GLYATL3: variants seen among roughly 807,000 people sequenced by gnomAD.
GLYATL3 encodes the protein glycine N-acyltransferase-like protein 3.
A neutral mutation model predicts 28.5 loss-of-function variants in GLYATL3; 31 were observed. That is an observed-to-expected ratio of 1.09 (90% CI 0.82 to 1.47). The LOEUF (loss-of-function observed/expected upper bound fraction) is 1.47, where lower values mean the gene tolerates loss of function less well. Ranked by LOEUF, GLYATL3 falls within the 40% of genes most tolerant of loss-of-function variation. The probability of loss-of-function intolerance (pLI) is 0.00; values close to 1 mark genes in which losing one functional copy is unlikely to be tolerated. For missense variants in GLYATL3, 369 were observed against 351.5 expected, an observed-to-expected ratio of 1.05 and a Z score of -0.40; for synonymous variants, 141 against 140.2, an observed-to-expected ratio of 1.01 and a Z score of -0.04.
intron 2 of GLYATL3, among the ~76,000 whole-genome samples, 191 bp downstream of exon 2, chr6:49,512,259 C>T (rs7453050): frequency 0.63 from 90,292 of 142,702 alleles, 30,040 homozygotes; most frequent in Non-Finnish European, 0.76. Context: ...CAGGGAATTA[C>T]ACTTTTCTTT....
chr6:49,507,221 G>T (rs983933663), intron 1 of GLYATL3, among the ~76,000 whole-genome samples: 5 of 152,110 alleles, frequency 3.3e-5, no homozygotes, highest in African/African-American at 7.2e-5. Flanking sequence ...ACGTTAACTT[G>T]TGGCAGTTGA....
rs374116883 is a variant in GLYATL3 at position 49,508,571 on chromosome 6, G to A, written c.-28-3392G>A. On this transcript the variant is annotated intron_variant, in intron 1 of 5. Coordinates refer to ENST00000371197, the MANE Select transcript of GLYATL3 (RefSeq NM_001010904.2). ...ATGGACAGGTGCCCCTCATGCATCC[G>A]TTTATAGGCTCTCCACAACGGTCGC... is the stretch of plus-strand genomic sequence containing the variant. Among the ~76,000 whole-genome samples the A allele has an allele frequency of 2.2e-4, 33 of 152,230 alleles. 1 individual carries two copies. Among genetic ancestry groups the A allele is most frequent in the African/African-American group, 6.0e-4 (25 of 41,534 alleles).
At chr6:49,510,671 G>A (rs1282285188) in intron 1 of GLYATL3, among the ~76,000 whole-genome samples, 2 of 152,222 alleles carry the variant, frequency 1.3e-5, no homozygotes, top group Non-Finnish European at 2.9e-5. Context: ...GATGATGGCT[G>A]TACTTCTTTC....
intron 5 of GLYATL3, among the ~76,000 whole-genome samples, chr6:49,523,270 A>G (rs572295937): frequency 6.6e-6 from 1 of 152,298 alleles, no homozygotes; most frequent in East Asian, 1.9e-4. Flanking sequence ...ATATGTGTAA[A>G]ACGTTTCAAA....
chr6:49,524,990 AAG>A (rs1243441632), intron 5 of GLYATL3, among the ~76,000 whole-genome samples: 10 of 151,074 alleles, frequency 6.6e-5, no homozygotes, highest in African/African-American at 2.2e-4. Context: ...AAAAAAAAAA[AAG>A]AACAAACATT....
In GLYATL3 at chr6:49,522,248, A is replaced by G. The variant is rs1192701560; in HGVS notation, c.440+477A>G. ...TTCCACAACCCTGTGAAGTAGGACTATTATTATTGCCCCTCCCACCCCCAC... is the reference window on the plus strand; with the variant it reads ...TTCCACAACCCTGTGAAGTAGGACTGTTATTATTGCCCCTCCCACCCCCAC... On this transcript the variant is annotated intron_variant, in intron 5 of 5. Transcript: ENST00000371197. Among the ~76,000 whole-genome samples, 3 of 152,160 alleles carry G rather than the reference A, an allele frequency of 2.0e-5. No homozygotes were observed. The East Asian group carries it at 5.8e-4, about 29-fold the overall frequency.
intron 4 of GLYATL3, among the ~76,000 whole-genome samples, chr6:49,518,316 C>T (rs907243113): frequency 6.6e-6 from 1 of 152,202 alleles, no homozygotes; most frequent in African/African-American, 2.4e-5. Flanking sequence ...TGGGGCAGAA[C>T]TTTATGCCAG....
At chr6:49,510,130 C>G (rs1769095524) in intron 1 of GLYATL3, among the ~76,000 whole-genome samples, 2 of 151,824 alleles carry the variant, frequency 1.3e-5, no homozygotes, top group Admixed American at 1.3e-4. Flanking sequence ...GCAACCTCCG[C>G]CTCCCAGGTT....
At chr6:49,514,655 A>AC (rs1336320878) in intron 2 of GLYATL3, among the ~76,000 whole-genome samples, 6 of 144,462 alleles carry the variant, frequency 4.2e-5, no homozygotes, top group East Asian at 4.3e-4. Context: ...ACATAATGAG[A>AC]CCGCATCTCT....
chr6:49,515,450 T>C (rs778665436), intron 2 of GLYATL3, among the ~76,000 whole-genome samples: 6 of 152,166 alleles, frequency 3.9e-5, no homozygotes, highest in Non-Finnish European at 5.9e-5. Context: ...TTCATAGACT[T>C]TTTACAAGTT....
At position 49,516,886 on chromosome 6, in the gene GLYATL3, G is replaced by A. The variant is rs577610300; in HGVS notation, c.187-544G>A. ...AATCAAGAAAAAATCAGCTGAGCGC[G>A]GTGGCTCATGCCTGTAATGCCAACA... On this transcript the variant is annotated intron_variant, in intron 3 of 5. Coordinates refer to ENST00000371197, the MANE Select transcript of GLYATL3 (RefSeq NM_001010904.2). Among the ~76,000 whole-genome samples the A allele has an allele frequency of 2.3e-4, 35 of 151,438 alleles. No individual in the cohort carries two copies. The South Asian group carries it at 4.4e-3, about 19-fold the overall frequency.
rs1013492076 is a variant in GLYATL3 at position 49,527,805 on chromosome 6, C to CAT, written c.*899_*900dup. Reference sequence around the variant, plus strand: ...TGAATATATAACATATATGCATACACATATATATACATTCTCTTCATTTCT... The same window carrying CAT: ...TGAATATATAACATATATGCATACACATATATATATACATTCTCTTCATTTCT... On this transcript the variant is annotated 3_prime_UTR_variant, in exon 6 of 6. Transcript: ENST00000371197. Among the ~76,000 whole-genome samples the CAT allele has an allele frequency of 6.6e-6, 1 of 152,010 alleles. No individual in the cohort carries two copies. The highest frequency in any genetic ancestry group is 1.5e-5 in the Non-Finnish European group (1 of 68,012).
intron 2 of GLYATL3, among the ~76,000 whole-genome samples, chr6:49,514,574 T>C (rs1769179333): frequency 6.6e-6 from 1 of 152,232 alleles, no homozygotes; most frequent in Non-Finnish European, 1.5e-5. Context: ...CTCATGCCTG[T>C]AATTTCAATA....
At position 49,513,863 on chromosome 6, in the gene GLYATL3, G is replaced by A. The variant is rs116236062; in HGVS notation, c.79-1790G>A. Among the ~76,000 whole-genome samples the A allele has an allele frequency of 5.1e-3, 778 of 152,232 alleles. 8 individuals are homozygous for A. Among genetic ancestry groups the A allele is most frequent in the African/African-American group, 0.018 (730 of 41,518 alleles). Reference sequence around the variant, plus strand: ...AGCAAGCTTGTAGTCCCATCTACTCGGAAAGCAGAGGCAGTAGGTTCATTT... The same window carrying A: ...AGCAAGCTTGTAGTCCCATCTACTCAGAAAGCAGAGGCAGTAGGTTCATTT... On this transcript the variant is annotated intron_variant, in intron 2 of 5. Transcript: ENST00000371197.
At position 49,504,976 on chromosome 6, in the gene GLYATL3, C is replaced by T. The variant is rs905631244; in HGVS notation, c.-29+4934C>T. ...CCAAATAGCATTAGGAGAAAGGCCT[C>T]GGGGATTAACTCCGAGAGATTGTGT... On this transcript the variant is annotated intron_variant, in intron 1 of 5. Transcript: ENST00000371197. Among the ~76,000 whole-genome samples the T allele has an allele frequency of 2.6e-5, 4 of 152,078 alleles. No homozygotes were observed. In the South Asian group the frequency reaches 6.2e-4, roughly 24 times the overall value.
At chr6:49,526,326 T>C (rs1306475569) in intron 5 of GLYATL3, among the ~76,000 whole-genome samples, 162 bp from the exon 6 acceptor site, 3 of 151,944 alleles carry the variant, frequency 2.0e-5, no homozygotes, top group Non-Finnish European at 4.4e-5. Context: ...GGCAGGAGAA[T>C]TGCTTGAACC....
At chr6:49,525,362 T>C (rs932460979) in intron 5 of GLYATL3, among the ~76,000 whole-genome samples, 3 of 151,788 alleles carry the variant, frequency 2.0e-5, no homozygotes, top group African/African-American at 7.3e-5. Context: ...GTGCAGCAGT[T>C]GGAGGCCAGC....
intron 1 of GLYATL3, among the ~76,000 whole-genome samples, chr6:49,500,480 T>C (rs1002421961): frequency 6.6e-5 from 10 of 152,204 alleles, no homozygotes; most frequent in African/African-American, 2.4e-4. Flanking sequence ...AGAGATCTTA[T>C]GTTTTATTGC....
chr6:49,521,851 A>G (rs1178911293), intron 5 of GLYATL3, 80 bp downstream of exon 5: 45 of 1,253,598 alleles, frequency 3.6e-5, no homozygotes, highest in Non-Finnish European at 4.7e-5. Context: ...GGTACTTAGT[A>G]TCACTATGGA....
Sources: gnomAD v4.1 joint callset for allele counts (sites outside exome capture counted in the v4.1 genomes callset) on GRCh38, gnomAD v4.1.1 for gene constraint, MANE v1.5 for transcripts, NCBI Gene and HGNC (gene_info 2026-07-23, HGNC 2026-07-21) for gene names.